The following JHY variants were observed in gnomAD, a reference collection of about 807,000 sequenced individuals.
JHY encodes the protein junctional cadherin complex regulator.
A neutral mutation model predicts 78.0 loss-of-function variants in JHY; 69 were observed. The ratio of observed to expected loss-of-function variants is 0.88; its 90% CI spans 0.73 to 1.08. JHY has a LOEUF of 1.08. JHY is among the 50% of genes least tolerant of loss of function. JHY has a pLI of 0.00. For missense variants in JHY, 944 were observed against 927.8 expected, an observed-to-expected ratio of 1.02 and a Z score of -0.23; for synonymous variants, 368 against 342.6, an observed-to-expected ratio of 1.07 and a Z score of -0.82.
intron 2 of JHY, among the ~76,000 whole-genome samples, chr11:122,890,737 G>A (rs1365070690): frequency 6.6e-6 from 1 of 152,078 alleles, no homozygotes; most frequent in Admixed American, 6.5e-5. Flanking sequence ...TTAGATCCTT[G>A]GTTTTCTCAT....
chr11:122,956,747 TA>T (rs1864200511), intron 7 of JHY, among the ~76,000 whole-genome samples, 171 bp downstream of exon 7: 1 of 152,216 alleles, frequency 6.6e-6, no homozygotes, highest in Non-Finnish European at 1.5e-5. Flanking sequence ...CCTTTTGCCT[TA>T]AAATAAAAAT....
intron 3 of JHY, among the ~76,000 whole-genome samples, chr11:122,923,883 ATTTTTTTTTTTTTT>A (rs760512913): frequency 8.0e-5 from 8 of 100,508 alleles, no homozygotes; most frequent in African/African-American, 3.6e-4. Context: ...CGCCTGGCTA[ATTTTTTTTTTTTTT>A]TTTTTTTTTT....
At position 122,961,784 on chromosome 11, in the gene JHY, C is replaced by A. The variant is rs7119398; in HGVS notation, c.*2339C>A. The stretch of plus-strand genomic sequence containing the variant: ...AATAAAGTGACAATTGAATGAAACA[C>A]AAATAAATAAAGAATAAAGTTGAAA... On this transcript the variant is annotated 3_prime_UTR_variant, in exon 9 of 9. Transcript: ENST00000227349. Among the ~76,000 whole-genome samples the A allele has an allele frequency of 0.47, 71,387 of 151,966 alleles. 17,720 individuals are homozygous for A. Among genetic ancestry groups the A allele is most frequent in the Non-Finnish European group, 0.56 (38,216 of 67,958 alleles).
chr11:122,900,820 G>A (rs10892923), intron 2 of JHY, among the ~76,000 whole-genome samples: 60,498 of 151,846 alleles, frequency 0.4, 12,279 homozygotes, highest in East Asian at 0.47. Flanking sequence ...TTAGATACAC[G>A]CTACAAAGAC....
intron 3 of JHY, among the ~76,000 whole-genome samples, chr11:122,923,099 C>T (rs2135338066): frequency 6.6e-6 from 1 of 152,310 alleles, no homozygotes; most frequent in South Asian, 2.1e-4. Context: ...GACAGTCGGT[C>T]CTCTAAATAA....
intron 2 of JHY, among the ~76,000 whole-genome samples, chr11:122,887,236 A>G (rs1862513815): frequency 6.6e-6 from 1 of 152,244 alleles, no homozygotes. Flanking sequence ...TAATAATAAT[A>G]GTTAACCAGT....
intron 2 of JHY, among the ~76,000 whole-genome samples, chr11:122,891,316 G>T (rs1473224083): frequency 6.6e-6 from 1 of 152,108 alleles, no homozygotes; most frequent in Non-Finnish European, 1.5e-5. Context: ...TTATTCCCTT[G>T]TATCTGACCA....
At chr11:122,902,771 C>T (rs945697754) in intron 2 of JHY, among the ~76,000 whole-genome samples, 4 of 152,150 alleles carry the variant, frequency 2.6e-5, no homozygotes, top group African/African-American at 9.7e-5. Context: ...CTACTCAGAA[C>T]CAAGGGTGGA....
At chr11:122,894,638 C>T (rs1224625666) in intron 2 of JHY, among the ~76,000 whole-genome samples, 2 of 152,166 alleles carry the variant, frequency 1.3e-5, no homozygotes, top group Non-Finnish European at 2.9e-5. Context: ...ATTGCAATTA[C>T]AAACATGTCT....
At position 122,961,595 on chromosome 11, in the gene JHY, T is replaced by C. The variant is rs1301740361; in HGVS notation, c.*2150T>C. On this transcript the variant is annotated 3_prime_UTR_variant, in exon 9 of 9. Transcript: ENST00000227349. ...GTCTTGAACTCCTGATCTCAGGTGA[T>C]CCGCCCACCTTGGCCTTCCAAAGTG... Among the ~76,000 whole-genome samples, 2 of 152,204 alleles carry C rather than the reference T, an allele frequency of 1.3e-5. No homozygotes were observed. The highest frequency in any genetic ancestry group is 4.8e-5 in the African/African-American group (2 of 41,466).
chr11:122,899,424 A>C (rs1268093006), intron 2 of JHY, among the ~76,000 whole-genome samples: 1 of 152,240 alleles, frequency 6.6e-6, no homozygotes, highest in Non-Finnish European at 1.5e-5. Context: ...GCACAAGATA[A>C]GCCCTAAAAA....
rs1396634660 is a variant in JHY, at chr11:122,961,539, G to C, written c.*2094G>C. Among the ~76,000 whole-genome samples the C allele has an allele frequency of 2.0e-5, 3 of 152,154 alleles. No individual in the cohort carries two copies. The highest frequency in any genetic ancestry group is 4.4e-5 in the Non-Finnish European group (3 of 68,026). ...CCGGCTAATTTTTATACTTTTAGTAGAGGCAGGGTTTCGCCATGTTGACCA... is the reference window on the plus strand; with the variant it reads ...CCGGCTAATTTTTATACTTTTAGTACAGGCAGGGTTTCGCCATGTTGACCA... On this transcript the variant is annotated 3_prime_UTR_variant, in exon 9 of 9. Coordinates refer to ENST00000227349, the MANE Select transcript of JHY (RefSeq NM_024806.4).
chr11:122,884,962 C>G (rs1054563164), intron 1 of JHY, among the ~76,000 whole-genome samples: 3 of 147,900 alleles, frequency 2.0e-5, no homozygotes, highest in Non-Finnish European at 4.5e-5. Flanking sequence ...ACCATGCCCA[C>G]TAATTTTTTG....
At chr11:122,891,058 T>C (rs1016374843) in intron 2 of JHY, among the ~76,000 whole-genome samples, 14 of 152,224 alleles carry the variant, frequency 9.2e-5, no homozygotes, top group Admixed American at 5.9e-4. Context: ...GAGTAGTTTA[T>C]GAGCCCTGAA....
At position 122,963,099 on chromosome 11, in the gene JHY, A is replaced by C. The variant is rs1433503636; in HGVS notation, c.*3654A>C. On this transcript the variant is annotated 3_prime_UTR_variant, in exon 9 of 9. Coordinates refer to ENST00000227349, the MANE Select transcript of JHY (RefSeq NM_024806.4). Reference sequence around the variant, plus strand: ...CTTACAACATTGATAAAAGTAGAATACACATATAAAGCAACTCAAACTTAG... The same window carrying C: ...CTTACAACATTGATAAAAGTAGAATCCACATATAAAGCAACTCAAACTTAG... 4.6e-5 allele frequency among the ~76,000 whole-genome samples: 7 copies of C among 152,190 alleles called. No individual in the cohort carries two copies. Among genetic ancestry groups the C allele is most frequent in the African/African-American group, 1.7e-4 (7 of 41,450 alleles).
At chr11:122,948,563 G>T (rs1032107802) in intron 6 of JHY, among the ~76,000 whole-genome samples, 1 of 151,632 alleles carries the variant, frequency 6.6e-6, no homozygotes, top group Non-Finnish European at 1.5e-5. Context: ...GTTGCATGGA[G>T]CTTGGGAAGG....
At chr11:122,953,607 A>G (rs905627006) in intron 6 of JHY, among the ~76,000 whole-genome samples, 55 of 151,886 alleles carry the variant, frequency 3.6e-4, no homozygotes, top group African/African-American at 1.3e-3. Context: ...ATCTCAAAAA[A>G]AAAAAAAAAA....
chr11:122,904,645 G>T (rs1402162399), intron 3 of JHY, among the ~76,000 whole-genome samples: 1 of 152,042 alleles, frequency 6.6e-6, no homozygotes, highest in Non-Finnish European at 1.5e-5. Flanking sequence ...AGCCACCAAT[G>T]GTTTACAGTG....
intron 4 of JHY, among the ~76,000 whole-genome samples, chr11:122,929,146 C>T (rs1163049883): frequency 1.3e-5 from 2 of 151,358 alleles, no homozygotes; most frequent in South Asian, 4.2e-4. Context: ...AGGCTGGCCT[C>T]GAACTCCTGA....
Sources: gnomAD v4.1 joint callset for allele counts (sites outside exome capture counted in the v4.1 genomes callset) on GRCh38, gnomAD v4.1.1 for gene constraint, MANE v1.5 for transcripts, NCBI Gene and HGNC (gene_info 2026-07-23, HGNC 2026-07-21) for gene names.